The following ZSWIM3 variants were observed in gnomAD, a reference collection of about 807,000 sequenced individuals.
The protein encoded by ZSWIM3 is zinc finger SWIM domain-containing protein 3.
ZSWIM3 carries 27 observed loss-of-function variants against 47.5 expected under a neutral mutation model. The observed-to-expected ratio is 0.57, with a 90% CI of 0.42 to 0.78. The LOEUF (loss-of-function observed/expected upper bound fraction) is 0.78, where lower values mean the gene tolerates loss of function less well. Among genes scored for constraint, ZSWIM3 ranks in the 30% least tolerant of loss-of-function variants. The pLI, the probability that ZSWIM3 is intolerant of heterozygous loss-of-function variation, is 0.00. For missense variants in ZSWIM3, 689 were observed against 861.3 expected (o/e 0.80, Z 2.50); for synonymous variants, 333 against 333.9 (o/e 1.00, Z 0.03).
Position 45,857,960 on chromosome 20 carries a change from C to T in ZSWIM3, c.135C>T (p.Thr45=). 22 of 1,611,876 alleles carry T rather than the reference C, an allele frequency of 1.4e-5. No individual in the cohort carries two copies. The highest frequency in any genetic ancestry group is 1.8e-5 in the Non-Finnish European group (21 of 1,179,062). The change falls in exon 1 of 2, where the codon ACC becomes ACT. Residue 45 remains threonine, a synonymous_variant. Coordinates refer to ENST00000255152, the MANE Select transcript of ZSWIM3 (RefSeq NM_080752.4). ...GCTTCCACAACCTCAACCATGGCACCTCCATCCGCGAAGACATCCTGTAAG... is the reference window on the plus strand; with the variant it reads ...GCTTCCACAACCTCAACCATGGCACTTCCATCCGCGAAGACATCCTGTAAG... ...SVRFHNLNHG[T]SIREDILYVQ... is the part of the protein sequence containing the mutation.
intron 1 of ZSWIM3, among the ~76,000 whole-genome samples, chr20:45,864,089 T>C (rs1023716804): frequency 6.6e-6 from 1 of 152,200 alleles, no homozygotes; most frequent in African/African-American, 2.4e-5. Context: ...CTCTAATAGT[T>C]TTCTAATGTC....
chr20:45,872,683 A>G, intron 1 of ZSWIM3: 2 of 1,277,098 alleles, frequency 1.6e-6, no homozygotes, highest in Non-Finnish European at 2.0e-6. Flanking sequence ...CACAAAAAAC[A>G]AGGTGATGAA....
At chr20:45,873,128 G>A (rs558922998) in intron 1 of ZSWIM3, among the ~76,000 whole-genome samples, 7 of 152,258 alleles carry the variant, frequency 4.6e-5, no homozygotes, top group Non-Finnish European at 8.8e-5. Flanking sequence ...TGAGCCGGGC[G>A]CAGTTGCTCA....
chr20:45,860,676 C>CT (rs1357520485), intron 1 of ZSWIM3, among the ~76,000 whole-genome samples: 2 of 152,180 alleles, frequency 1.3e-5, no homozygotes, highest in African/African-American at 4.8e-5. Flanking sequence ...CATCACGTCT[C>CT]TGACTCCCTC....
intron 1 of ZSWIM3, among the ~76,000 whole-genome samples, chr20:45,858,563 A>G (rs543585389): frequency 1.3e-5 from 2 of 152,288 alleles, no homozygotes; most frequent in East Asian, 3.9e-4. Context: ...TTGATTTTGT[A>G]CAGACTGGGT....
At chr20:45,864,041 A>G (rs1213714451) in intron 1 of ZSWIM3, among the ~76,000 whole-genome samples, 1 of 152,056 alleles carries the variant, frequency 6.6e-6, no homozygotes, top group Non-Finnish European at 1.5e-5. Flanking sequence ...CAGCCTATTT[A>G]CTGACAGAGC....
intron 1 of ZSWIM3, among the ~76,000 whole-genome samples, chr20:45,864,060 G>T (rs921242249): frequency 1.1e-4 from 16 of 152,192 alleles, no homozygotes; most frequent in African/African-American, 3.6e-4. Context: ...GCTCTTAATT[G>T]TTGTACTTAG....
chr20:45,857,724 G>A lies in ZSWIM3; in HGVS notation c.-102G>A, dbSNP rs1456929618. 1.0e-5 allele frequency: 15 copies of A among 1,431,944 alleles called. No homozygotes were observed. In the East Asian group the frequency reaches 3.2e-4, roughly 31 times the overall value. The allele number at this position is 1,431,944 out of a possible 1,614,324, so 88.7% of individuals were successfully genotyped here. ...GGGGCGGACCCTTAAGGCATTCTGGGCCCACGCCTGCCTATAAACCCTCAT... is the reference window on the plus strand; with the variant it reads ...GGGGCGGACCCTTAAGGCATTCTGGACCCACGCCTGCCTATAAACCCTCAT... On this transcript the variant is annotated 5_prime_UTR_variant, in exon 1 of 2. Coordinates refer to ENST00000255152, the MANE Select transcript of ZSWIM3 (RefSeq NM_080752.4).
rs1349037113 is a variant in ZSWIM3 at position 45,857,989 on chromosome 20, G to A, written c.155+9G>A. ...ATCCGCGAAGACATCCTGTAAGGGC[G>A]GGCGGGGCGGGGCGGGCCAAGAGGG... On this transcript the variant is annotated intron_variant, in intron 1 of 1. Coordinates refer to ENST00000255152, the MANE Select transcript of ZSWIM3 (RefSeq NM_080752.4). 1 of 1,569,172 alleles carries A rather than the reference G, an allele frequency of 6.4e-7. No individual in the cohort carries two copies. Among genetic ancestry groups the A allele is most frequent in the Non-Finnish European group, 8.6e-7 (1 of 1,156,312 alleles).
At chr20:45,872,606 A>G in intron 1 of ZSWIM3, 1 of 858,718 alleles carries the variant, frequency 1.2e-6, no homozygotes, top group South Asian at 1.6e-5. Flanking sequence ...CAAAGGGACA[A>G]ACATGCACAA....
At chr20:45,865,457 C>A (rs529683336) in intron 1 of ZSWIM3, among the ~76,000 whole-genome samples, 1 of 151,908 alleles carries the variant, frequency 6.6e-6, no homozygotes, top group Non-Finnish European at 1.5e-5. Flanking sequence ...CACTGTACTC[C>A]AGCCTGGGTG....
At chr20:45,861,064 CA>C (rs1240405946) in intron 1 of ZSWIM3, among the ~76,000 whole-genome samples, 1 of 152,060 alleles carries the variant, frequency 6.6e-6, no homozygotes, top group Non-Finnish European at 1.5e-5. Context: ...AGTTTGAGAC[CA>C]GCCCAGACTA....
intron 1 of ZSWIM3, among the ~76,000 whole-genome samples, chr20:45,865,814 G>A (rs907451406): frequency 2.6e-5 from 4 of 151,702 alleles, no homozygotes; most frequent in Non-Finnish European, 5.9e-5. Context: ...TAGCTAACAC[G>A]GTGAAACCCC....
intron 1 of ZSWIM3, among the ~76,000 whole-genome samples, chr20:45,867,191 G>A (rs1400947492): frequency 6.6e-6 from 1 of 152,012 alleles, no homozygotes; most frequent in African/African-American, 2.4e-5. Context: ...AGTTTTAGTA[G>A]AGACAGGGTT....
chr20:45,860,680 C>T lies in ZSWIM3; in HGVS notation c.155+2700C>T, dbSNP rs182286237. 3.2e-3 allele frequency among the ~76,000 whole-genome samples: 490 copies of T among 152,262 alleles called. 5 individuals are homozygous for T. The highest frequency in any genetic ancestry group is 0.011 in the African/African-American group (470 of 41,520). ...CTTGCTTCTGTCATCACGTCTCTGA[C>T]TCCCTCTTCTGCCTCCCTCTTCCAC... is the stretch of plus-strand genomic sequence containing the variant. On this transcript the variant is annotated intron_variant, in intron 1 of 1. Coordinates refer to ENST00000255152, the MANE Select transcript of ZSWIM3 (RefSeq NM_080752.4).
At chr20:45,867,639 T>C (rs1445601785) in intron 1 of ZSWIM3, among the ~76,000 whole-genome samples, 2 of 152,230 alleles carry the variant, frequency 1.3e-5, no homozygotes, top group African/African-American at 4.8e-5. Context: ...ATATCTAAAC[T>C]GTGGCCTCCA....
At chr20:45,875,557 A>G (rs1986071945) in intron 1 of ZSWIM3, among the ~76,000 whole-genome samples, 2 of 151,728 alleles carry the variant, frequency 1.3e-5, no homozygotes, top group African/African-American at 4.8e-5. Flanking sequence ...GCTGGAGTAC[A>G]ATAGCGTGAT....
intron 1 of ZSWIM3, among the ~76,000 whole-genome samples, chr20:45,873,254 T>A (rs1986015557): frequency 6.6e-6 from 1 of 152,006 alleles, no homozygotes; most frequent in East Asian, 1.9e-4. Context: ...ATACAAAATT[T>A]GCCGGGCATG....
At position 45,877,273 on chromosome 20, in the gene ZSWIM3, G is replaced by T; in HGVS notation, c.715G>T (p.Val239Leu). 1.2e-6 allele frequency: 2 copies of T among 1,614,144 alleles called. No individual in the cohort carries two copies. The highest frequency in any genetic ancestry group is 1.7e-6 in the Non-Finnish European group (2 of 1,180,022). Residue 239 changes from valine to leucine, a missense_variant, in exon 2 of 2, where the codon GTG becomes TTG. Transcript: ENST00000255152. ...TQGHILYAFL[V>L]ENKERESRVV... ...GGGCCACATCCTCTATGCTTTCTTG[G>T]TGGAGAACAAGGAACGAGAAAGTCG...
Sources: allele counts gnomAD v4.1 joint callset (sites outside exome capture counted in the v4.1 genomes callset), GRCh38; gene constraint gnomAD v4.1.1; transcripts MANE v1.5; gene names NCBI Gene and HGNC (gene_info 2026-07-23, HGNC 2026-07-21).